The following TSPAN33 variants were observed in gnomAD, a reference collection of about 807,000 sequenced individuals.
The protein encoded by TSPAN33 is tetraspanin 33, also known as tetraspanin-33.
Under a neutral mutation model 34.8 loss-of-function variants are expected in TSPAN33, and 27 were observed. That is an observed-to-expected ratio of 0.78 (90% CI 0.57 to 1.07). TSPAN33 has a LOEUF of 1.07. TSPAN33 is among the 50% of genes least tolerant of loss of function. The probability of loss-of-function intolerance (pLI) is 0.00; values close to 1 mark genes in which losing one functional copy is unlikely to be tolerated. For missense variants in TSPAN33, 272 were observed against 324.9 expected (o/e 0.84, Z 1.25); for synonymous variants, 119 against 124.2 (o/e 0.96, Z 0.28).
intron 1 of TSPAN33, 43 bp downstream of exon 1, chr7:129,145,125 C>A: frequency 1.5e-6 from 1 of 646,964 alleles, no homozygotes; most frequent in East Asian, 3.1e-5. Context: ...GGGGTCCCCC[C>A]GCGGGGTGGA....
rs1793057856 is a variant in TSPAN33 at position 129,161,741 on chromosome 7, G to C, written c.160+5G>C. 6.2e-7 allele frequency: 1 copy of C among 1,614,104 alleles called. No homozygotes were observed. Among genetic ancestry groups the C allele is most frequent in the Non-Finnish European group, 8.5e-7 (1 of 1,180,012 alleles). On this transcript the variant is annotated splice_donor_5th_base_variant and intron_variant, in intron 2 of 7. Coordinates refer to ENST00000486685, the MANE Select transcript of TSPAN33 (RefSeq NM_178562.5). ...CTCGGCTAATGAAGCATGCAGGTGA[G>C]CTGTAGCTCTCCCTCCCTGCCCCCA...
chr7:129,153,757 AT>A (rs1456842301), intron 1 of TSPAN33, among the ~76,000 whole-genome samples: 1 of 150,234 alleles, frequency 6.7e-6, no homozygotes, highest in Non-Finnish European at 1.5e-5. Flanking sequence ...CCTGGGCAAT[AT>A]GGTGAAACCC....
chr7:129,156,811 A>G (rs541747097), intron 1 of TSPAN33, among the ~76,000 whole-genome samples: 161 of 152,246 alleles, frequency 1.1e-3, no homozygotes, highest in African/African-American at 3.8e-3. Context: ...AGAATCAGCC[A>G]CTTCTCCAAG....
intron 4 of TSPAN33, 97 bp from the exon 5 acceptor site, chr7:129,164,377 G>A (rs2566892): frequency 0.8 from 898,971 of 1,130,026 alleles, 357,878 homozygotes; most frequent in Middle Eastern, 0.82. Flanking sequence ...GGCAGACTCA[G>A]TTAAGAAGGA....
At chr7:129,150,426 A>AC (rs1194174408) in intron 1 of TSPAN33, among the ~76,000 whole-genome samples, 1 of 152,194 alleles carries the variant, frequency 6.6e-6, no homozygotes, top group Admixed American at 6.5e-5. Flanking sequence ...CAAGGGAACC[A>AC]CAAGCAGCTG....
At chr7:129,160,410 G>C (rs1793030433) in intron 1 of TSPAN33, among the ~76,000 whole-genome samples, 1 of 152,162 alleles carries the variant, frequency 6.6e-6, no homozygotes, top group African/African-American at 2.4e-5. Context: ...GCAACAGCCA[G>C]CTGCTGCTTA....
intron 4 of TSPAN33, among the ~76,000 whole-genome samples, chr7:129,163,614 TAAGGA>T (rs1793087861): frequency 6.6e-6 from 1 of 152,040 alleles, no homozygotes; most frequent in Non-Finnish European, 1.5e-5. Context: ...ACTACAAAAC[TAAGGA>T]AAGAAAATTT....
intron 1 of TSPAN33, among the ~76,000 whole-genome samples, chr7:129,153,979 A>C (rs1053606302): frequency 2.3e-4 from 35 of 152,020 alleles, no homozygotes; most frequent in African/African-American, 8.5e-4. Flanking sequence ...CAAAATCTAT[A>C]ATGTACACCA....
At chr7:129,152,743 C>T (rs1210833920) in intron 1 of TSPAN33, among the ~76,000 whole-genome samples, 2 of 151,868 alleles carry the variant, frequency 1.3e-5, no homozygotes, top group Non-Finnish European at 2.9e-5. Context: ...CATGCTACAA[C>T]ACAGATGAAT....
chr7:129,145,203 G>A (rs998398141), intron 1 of TSPAN33, 121 bp downstream of exon 1: 42 of 462,258 alleles, frequency 9.1e-5, no homozygotes, highest in African/African-American at 8.5e-4. Flanking sequence ...CGGCACTTTG[G>A]GGGAATTTAT....
intron 1 of TSPAN33, among the ~76,000 whole-genome samples, chr7:129,160,544 A>T (rs1398930011): frequency 2.0e-5 from 3 of 152,150 alleles, no homozygotes; most frequent in African/African-American, 7.2e-5. Context: ...GTCTCCTATT[A>T]GTCTCTGATG....
rs34534607 is a variant in TSPAN33 at position 129,150,350 on chromosome 7, C to G, written c.102+5268C>G. Among the ~76,000 whole-genome samples the G allele has an allele frequency of 3.9e-5, 6 of 152,156 alleles. 1 individual carries two copies. The South Asian group carries it at 1.2e-3, about 32-fold the overall frequency. On this transcript the variant is annotated intron_variant, in intron 1 of 7. Transcript: ENST00000486685. ...GGCCCTGCTGGCACCCTGTCCCCGC[C>G]GCCAGCTGCAATCTTCCTTCCCCTG...
Position 129,161,062 on chromosome 7 carries a change from G to A in TSPAN33, c.103-617G>A, listed in dbSNP as rs1393371751. Among the ~76,000 whole-genome samples, 3 of 152,166 alleles carry A rather than the reference G, an allele frequency of 2.0e-5. No individual in the cohort carries two copies. The East Asian group carries it at 5.8e-4, about 29-fold the overall frequency. On this transcript the variant is annotated intron_variant, in intron 1 of 7. Transcript: ENST00000486685. ...AAGTTTGACTCGCTCTGAAGACTGT[G>A]TCCTTTTTAATTTTAACTTCAATTT...
chr7:129,160,074 ACAGG>A (rs1793025763), intron 1 of TSPAN33, among the ~76,000 whole-genome samples: 2 of 152,330 alleles, frequency 1.3e-5, no homozygotes, highest in Admixed American at 6.5e-5. Context: ...GGCTGTATAT[ACAGG>A]CAGAGAAGAG....
rs1036709666 is a variant in TSPAN33 at position 129,145,572 on chromosome 7, A to G, written c.102+490A>G. On this transcript the variant is annotated intron_variant, in intron 1 of 7. Coordinates refer to ENST00000486685, the MANE Select transcript of TSPAN33 (RefSeq NM_178562.5). ...CATCTACCCCCACCTCCACCCCCCC[A>G]AAGTCTAGGAAGAATGGCCTCCAGG... 3.5e-4 allele frequency among the ~76,000 whole-genome samples: 42 copies of G among 119,706 alleles called. 1 individual carries two copies. The highest frequency in any genetic ancestry group is 1.3e-3 in the African/African-American group (40 of 31,040). The allele number at this position is 119,706 out of a possible 152,430, so 78.5% of individuals were successfully genotyped here. A position where few individuals can be genotyped will look rare whatever the true frequency, so the allele number is the denominator to read the frequency against.
chr7:129,144,927 C>G lies in TSPAN33; in HGVS notation c.-54C>G, dbSNP rs1275127503. 2 of 439,146 alleles carry G rather than the reference C, an allele frequency of 4.6e-6. No individual in the cohort carries two copies. The highest frequency in any genetic ancestry group is 2.2e-5 in the African/African-American group (1 of 46,388). 27.2% of individuals were successfully genotyped at this position (439,146 alleles called of 1,614,324 possible). A position where few individuals can be genotyped will look rare whatever the true frequency, so the allele number is the denominator to read the frequency against. On this transcript the variant is annotated 5_prime_UTR_variant, in exon 1 of 8. Transcript: ENST00000486685. ...GCCCCCGGGCGCGGGGCACACAGGC[C>G]GGCCGGCAGCCGCTGGGAAATAGGC...
chr7:129,156,106 A>C (rs969248967), intron 1 of TSPAN33, among the ~76,000 whole-genome samples: 6 of 151,984 alleles, frequency 3.9e-5, no homozygotes, highest in African/African-American at 1.2e-4. Flanking sequence ...CCTTGTTTTT[A>C]ATGACCTTGA....
rs1368172420 is a variant in TSPAN33, at chr7:129,165,125, C to T, written c.459+556C>T. 6.6e-6 allele frequency among the ~76,000 whole-genome samples: 1 copy of T among 152,196 alleles called. No individual in the cohort carries two copies. The highest frequency in any genetic ancestry group is 2.4e-5 in the African/African-American group (1 of 41,440). On this transcript the variant is annotated intron_variant, in intron 5 of 7. Coordinates refer to ENST00000486685, the MANE Select transcript of TSPAN33 (RefSeq NM_178562.5). The surrounding 1 kb of genome is among the most constrained non-coding windows in gnomAD (Gnocchi z 4.5). ...GCCCCAGATGAAACTCTGTATCCAT[C>T]AAACACTAACTCCCCATTTCCTCTC...
intron 1 of TSPAN33, among the ~76,000 whole-genome samples, chr7:129,159,707 GT>G (rs1407558378): frequency 6.6e-6 from 1 of 152,218 alleles, no homozygotes; most frequent in Non-Finnish European, 1.5e-5. Flanking sequence ...TCTCTGTCAT[GT>G]AGTTTCCCTG....
Sources: gnomAD v4.1 joint callset for allele counts (sites outside exome capture counted in the v4.1 genomes callset) on GRCh38, gnomAD v4.1.1 for gene constraint, Gnocchi (gnomAD v3.1) non-coding constraint, MANE v1.5 for transcripts, NCBI Gene and HGNC (gene_info 2026-07-23, HGNC 2026-07-21) for gene names.